Variants in SYNC observed in about 807,000 individuals in gnomAD.
SYNC encodes syncoilin, intermediate filament protein.
Under a neutral mutation model 49.5 loss-of-function variants are expected in SYNC, and 38 were observed. The observed-to-expected ratio is 0.77, with a 90% confidence interval of 0.59 to 1.01. SYNC has a LOEUF of 1.01. Among genes scored for constraint, SYNC ranks in the 50% least tolerant of loss-of-function variants. SYNC has a pLI of 0.00. For synonymous variants in SYNC, 201 were observed against 230.8 expected (o/e 0.87, Z 1.17); for missense variants, 579 against 580.6 (o/e 1.00, Z 0.03).
Position 32,698,942 on chromosome 1 carries a change from G to A in SYNC, c.54-2898C>T, listed in dbSNP as rs657129. On this transcript the variant is annotated intron_variant, in intron 1 of 4. Coordinates refer to ENST00000409190, the MANE Select transcript of SYNC (RefSeq NM_030786.3). ...ACTACAGGCACGTAGCGCCACACCC[G>A]CTAATTTTTTAACTTTTTGTAGAGA... is the stretch of plus-strand genomic sequence containing the variant. Among the ~76,000 whole-genome samples the A allele has an allele frequency of 8.9e-3, 1,341 of 151,446 alleles. 19 individuals carry two copies. The highest frequency in any genetic ancestry group is 0.03 in the African/African-American group (1,252 of 41,290).
intron 2 of SYNC, 77 bp from the exon 3 acceptor site, chr1:32,684,459 A>G (rs1178810240): frequency 1.9e-6 from 3 of 1,596,118 alleles, no homozygotes; most frequent in Admixed American, 3.4e-5. Context: ...CTTATAAAAC[A>G]CTTTTTTGTT....
chr1:32,693,489 A>C (rs554815971), intron 2 of SYNC, among the ~76,000 whole-genome samples: 2 of 152,340 alleles, frequency 1.3e-5, no homozygotes, highest in South Asian at 4.1e-4. Context: ...GCATATCACA[A>C]TCTCTGGGAA....
intron 1 of SYNC, among the ~76,000 whole-genome samples, chr1:32,697,140 A>G (rs956394499): frequency 6.6e-6 from 1 of 152,054 alleles, no homozygotes; most frequent in African/African-American, 2.4e-5. Flanking sequence ...TTATCTAAAC[A>G]CTTAAAGAGA....
chr1:32,688,977 T>C (rs546311034), intron 2 of SYNC, among the ~76,000 whole-genome samples: 1 of 150,466 alleles, frequency 6.6e-6, no homozygotes, highest in East Asian at 2.0e-4. Context: ...TCTTGCTCTG[T>C]TGCCAGGCTG....
At chr1:32,683,192 G>A (rs1267767293) in intron 4 of SYNC, 1 of 150,562 alleles carries the variant, frequency 6.6e-6, no homozygotes, top group Non-Finnish European at 1.5e-5. Flanking sequence ...TGAGGCAGGG[G>A]AATCGCTTGA....
At chr1:32,693,800 C>A (rs1269909348) in intron 2 of SYNC, among the ~76,000 whole-genome samples, 3 of 152,250 alleles carry the variant, frequency 2.0e-5, no homozygotes, top group African/African-American at 7.2e-5. Flanking sequence ...GAGATGGGGA[C>A]AAATGCACAT....
chr1:32,703,287 G>C (rs1206441041), upstream of SYNC, among the ~76,000 whole-genome samples: 2 of 152,164 alleles, frequency 1.3e-5, no homozygotes, highest in African/African-American at 2.4e-5. Flanking sequence ...CTGGAGCCTG[G>C]GGGCGGGCTG....
rs1040717572 is a variant in SYNC, at chr1:32,680,341, T to G, written c.*1509A>C. On this transcript the variant is annotated 3_prime_UTR_variant, in exon 5 of 5. Coordinates refer to ENST00000409190, the MANE Select transcript of SYNC (RefSeq NM_030786.3). ...TATTTCCTGTCTGTGAAATGGTGTTTTTTTTTTTGTTGTTGGTTTTTTTTT... is the reference window on the plus strand; with the variant it reads ...TATTTCCTGTCTGTGAAATGGTGTTGTTTTTTTTGTTGTTGGTTTTTTTTT... The G allele has an allele frequency of 5.7e-6, 7 of 1,223,206 alleles. No homozygotes were observed. In the South Asian group the frequency reaches 1.6e-4, roughly 27 times the overall value. The allele number at this position is 1,223,206 out of a possible 1,614,324, so 75.8% of individuals were successfully genotyped here.
rs745795204 is a variant in SYNC, at chr1:32,681,890, A to G, written c.1439-30T>C. ...AAAGTTGAAAGAAAAAGTTTATAAC[A>G]GTGAACTTCTGAGGTTTAGTTACTG... On this transcript the variant is annotated intron_variant, in intron 4 of 4. Coordinates refer to ENST00000409190, the MANE Select transcript of SYNC (RefSeq NM_030786.3). The G allele has an allele frequency of 3.1e-6, 5 of 1,598,026 alleles. No individual in the cohort carries two copies. In the East Asian group the frequency reaches 8.9e-5, roughly 29 times the overall value.
Position 32,680,123 on chromosome 1 carries a change from T to C in SYNC, c.*1727A>G. ...AAAGATGTCACTTTTATTCAGGAAA[T>C]AGGGGGAGATTCAAGTCATATAGAT... On this transcript the variant is annotated 3_prime_UTR_variant, in exon 5 of 5. Coordinates refer to ENST00000409190, the MANE Select transcript of SYNC (RefSeq NM_030786.3). 2 of 1,066,994 alleles carry C rather than the reference T, an allele frequency of 1.9e-6. No homozygotes were observed. The highest frequency in any genetic ancestry group is 2.3e-6 in the Non-Finnish European group (2 of 883,722). The allele number at this position is 1,066,994 out of a possible 1,614,324, so 66.1% of individuals were successfully genotyped here.
At chr1:32,688,074 A>G (rs1649975430) in intron 2 of SYNC, among the ~76,000 whole-genome samples, 1 of 151,848 alleles carries the variant, frequency 6.6e-6, no homozygotes, top group African/African-American at 2.4e-5. Context: ...ACCTCAGGTG[A>G]TCCACCTGCC....
chr1:32,697,047 C>T lies in SYNC; in HGVS notation c.54-1003G>A, dbSNP rs545215940. Among the ~76,000 whole-genome samples the T allele has an allele frequency of 7.2e-5, 11 of 152,246 alleles. No homozygotes were observed. In the South Asian group the frequency reaches 2.1e-3, roughly 29 times the overall value. On this transcript the variant is annotated intron_variant, in intron 1 of 4. Coordinates refer to ENST00000409190, the MANE Select transcript of SYNC (RefSeq NM_030786.3). ...ACAGGCATTGAGCCACCATGCCCAG[C>T]AATTCCTGGTAACTTTTAGCCACTG...
intron 2 of SYNC, 120 bp downstream of exon 2, chr1:32,694,745 C>T: frequency 9.5e-7 from 1 of 1,057,682 alleles, no homozygotes; most frequent in Non-Finnish European, 1.4e-6. Context: ...TGCGTGGCCC[C>T]AAAGAACAAA....
chr1:32,685,617 T>G (rs1394303329), intron 2 of SYNC: 1 of 152,018 alleles, frequency 6.6e-6, no homozygotes, highest in African/African-American at 2.4e-5. Flanking sequence ...TCACCAACAT[T>G]GTCAAAGGAC....
chr1:32,696,074 G>T (rs774768022), intron 1 of SYNC, 30 bp from the exon 2 acceptor site: 1 of 1,516,962 alleles, frequency 6.6e-7, no homozygotes, highest in South Asian at 1.2e-5. Context: ...AAGTGAAAGG[G>T]CAGCCACAAT....
chr1:32,703,479 A>G (rs1399537731), upstream of SYNC: 2 of 152,258 alleles, frequency 1.3e-5, no homozygotes, highest in South Asian at 2.1e-4. Context: ...TCCTCAGCCC[A>G]CTAGTGTGAG....
In SYNC at chr1:32,695,377, G is replaced by C. The variant is rs924570648; in HGVS notation, c.721C>G (p.Leu241Val). The C allele has an allele frequency of 6.4e-7, 1 of 1,551,610 alleles. No homozygotes were observed. Among genetic ancestry groups the C allele is most frequent in the Non-Finnish European group, 8.7e-7 (1 of 1,147,094 alleles). Residue 241 changes from leucine (L) to valine (V), a missense_variant, in exon 2 of 5, where the codon CTG becomes GTG. By Grantham distance (32) the Leu-to-Val change is conservative (BLOSUM62 1). Transcript: ENST00000409190. ...ERDGLREEIR[L>V]VKQKLFKVTK... is the part of the protein sequence containing the mutation. Reference sequence around the variant, plus strand: ...ACTTTGAAAAGCTTCTGCTTGACCAGCCGGATCTCCTCCCTTAGGCCATCT... The same window carrying C: ...ACTTTGAAAAGCTTCTGCTTGACCACCCGGATCTCCTCCCTTAGGCCATCT...
In SYNC at chr1:32,680,487, T is replaced by C. The variant is rs1333933519; in HGVS notation, c.*1363A>G. The C allele has an allele frequency of 6.5e-7, 1 of 1,540,100 alleles. No individual in the cohort carries two copies. Among genetic ancestry groups the C allele is most frequent in the Non-Finnish European group, 8.8e-7 (1 of 1,142,690 alleles). On this transcript the variant is annotated 3_prime_UTR_variant, in exon 5 of 5. Coordinates refer to ENST00000409190, the MANE Select transcript of SYNC (RefSeq NM_030786.3). ...CAATAACTTGTATTTGTTTTAAAAATTAAATTAATCCTTGATAAGAGTTGC... is the reference window on the plus strand; with the variant it reads ...CAATAACTTGTATTTGTTTTAAAAACTAAATTAATCCTTGATAAGAGTTGC...
intron 2 of SYNC, among the ~76,000 whole-genome samples, chr1:32,692,025 G>A (rs1350429264): frequency 6.6e-6 from 1 of 152,072 alleles, no homozygotes; most frequent in African/African-American, 2.4e-5. Flanking sequence ...AAGATCAGGA[G>A]ATGGAGACCA....
Sources: gnomAD v4.1 joint callset for allele counts (sites outside exome capture counted in the v4.1 genomes callset) on GRCh38, gnomAD v4.1.1 for gene constraint, MANE v1.5 for transcripts, NCBI Gene and HGNC (gene_info 2026-07-23, HGNC 2026-07-21) for gene names.